The following STAB1 variants were observed in gnomAD, a reference collection of about 807,000 sequenced individuals.
The protein encoded by STAB1 is stabilin 1.
A neutral mutation model predicts 332.4 loss-of-function variants in STAB1; 250 were observed. That is an observed-to-expected ratio of 0.75 (90% CI 0.68 to 0.84). STAB1 has a LOEUF of 0.84. Ranked by LOEUF, STAB1 falls within the 40% of genes least tolerant of loss-of-function variation. The probability of loss-of-function intolerance (pLI) is 0.00; values close to 1 mark genes in which losing one functional copy is unlikely to be tolerated. For synonymous variants in STAB1, 1,475 were observed against 1,390.4 expected, an observed-to-expected ratio of 1.06 and a Z score of -1.35; for missense variants, 3,249 against 3,489.7, an observed-to-expected ratio of 0.93 and a Z score of 1.74.
At chr3:52,496,072 GTCC>G (rs984101151) in intron 1 of STAB1, among the ~76,000 whole-genome samples, 5 of 152,198 alleles carry the variant, frequency 3.3e-5, no homozygotes, top group African/African-American at 1.2e-4. Flanking sequence ...AACTCCTCCT[GTCC>G]TCCTCGTGAG....
rs1297299801 is a variant in STAB1 at position 52,520,430 on chromosome 3, CG to C, written c.5531del (p.Arg1844ProfsTer40). ...GELMVGEDDA[R>X]IVQRHLPFEG... ...GCTCATGGTGGGTGAGGATGATGCT[CG>C]CATTGTGCAGCGGCACTTGCCCTTT... On this transcript the variant is annotated frameshift_variant, in exon 53 of 69. Coordinates refer to ENST00000321725, the MANE Select transcript of STAB1 (RefSeq NM_015136.3). LOFTEE classifies it high-confidence loss of function. 1 of 1,612,406 alleles carries C rather than the reference CG, an allele frequency of 6.2e-7. No individual in the cohort carries two copies. The highest frequency in any genetic ancestry group is 8.5e-7 in the Non-Finnish European group (1 of 1,179,608).
rs200415171 is a variant in STAB1, at chr3:52,512,333, C to T, written c.2884-8C>T. Reference sequence around the variant, plus strand: ...CTGAATGGAGGCCCTTTCTCACTCCCACCCCAGGCCACCTGCCGGGCAGTG... The same window carrying T: ...CTGAATGGAGGCCCTTTCTCACTCCTACCCCAGGCCACCTGCCGGGCAGTG... On this transcript the variant is annotated splice_region_variant and splice_polypyrimidine_tract_variant and intron_variant, in intron 26 of 68. Coordinates refer to ENST00000321725, the MANE Select transcript of STAB1 (RefSeq NM_015136.3). 7.3e-5 allele frequency: 117 copies of T among 1,612,278 alleles called. No individual in the cohort carries two copies. The highest frequency in any genetic ancestry group is 6.1e-5 in the Non-Finnish European group (72 of 1,179,612).
Position 52,514,885 on chromosome 3 carries a change from T to A in STAB1, c.3807+56T>A. 2.5e-6 allele frequency: 4 copies of A among 1,612,754 alleles called. No individual in the cohort carries two copies. The East Asian group carries it at 8.9e-5, about 36-fold the overall frequency. The stretch of plus-strand genomic sequence containing the variant: ...ACGGGAGTTCAGAGCTGGGAGGGCC[T>A]AGCTGACCTGACTAGTGGGGAGGGG... On this transcript the variant is annotated intron_variant, in intron 35 of 68. Transcript: ENST00000321725.
chr3:52,507,866 C>A (rs1708990783), intron 19 of STAB1, 65 bp from the exon 20 acceptor site: 1 of 1,532,428 alleles, frequency 6.5e-7, no homozygotes, highest in Non-Finnish European at 9.0e-7. Flanking sequence ...TTAACCAGGG[C>A]TGCCTAGCAA....
Position 52,513,772 on chromosome 3 carries a change from G to A in STAB1, c.3326G>A (p.Gly1109Asp). ...GTGGCTGACCTCCTTGCCACCAACGGTGTCCTACACATCCTCAGCCAGGTA... is the reference window on the plus strand; with the variant it reads ...GTGGCTGACCTCCTTGCCACCAACGATGTCCTACACATCCTCAGCCAGGTA... ...VDVADLLATN[G>D]VLHILSQVLL... The change falls in exon 31 of 69, where the codon GGT becomes GAT. Residue 1109 changes from glycine to aspartate, a missense_variant. Transcript: ENST00000321725. 6.2e-7 allele frequency: 1 copy of A among 1,613,474 alleles called. No homozygotes were observed. The highest frequency in any genetic ancestry group is 8.5e-7 in the Non-Finnish European group (1 of 1,180,002).
intron 1 of STAB1, 135 bp from the exon 2 acceptor site, chr3:52,501,031 A>C: frequency 7.7e-7 from 1 of 1,291,582 alleles, no homozygotes; most frequent in Non-Finnish European, 1.1e-6. Context: ...TGTGCCCAGA[A>C]CCCTCTGCTT....
intron 40 of STAB1, 31 bp from the exon 41 acceptor site, chr3:52,516,661 T>TG: frequency 6.2e-7 from 1 of 1,612,320 alleles, no homozygotes; most frequent in South Asian, 1.1e-5. Flanking sequence ...TGGACAGGCA[T>TG]GGGCTAAGCT....
rs775352466 is a variant in STAB1, at chr3:52,515,029, AG to A, written c.3851del (p.Gly1284AlafsTer53). 6.8e-6 allele frequency: 11 copies of A among 1,613,366 alleles called. No homozygotes were observed. Among genetic ancestry groups the A allele is most frequent in the Non-Finnish European group, 9.3e-6 (11 of 1,180,004 alleles). On this transcript the variant is annotated frameshift_variant, in exon 36 of 69. Transcript: ENST00000321725. LOFTEE classifies it high-confidence loss of function. Reference protein sequence around the residue: ...VNCTRRFRCTQGFQLQDTPRK... With the variant: ...VNCTRRFRCTXGFQLQDTPRK... ...TGCACCAGGAGATTCCGCTGCACTC[AG>A]GGCTTCCAGCTGCAGGTGAGACTGG...
At position 52,522,138 on chromosome 3, in the gene STAB1, G is replaced by A; in HGVS notation, c.6373G>A (p.Gly2125Ser). The A allele has an allele frequency of 6.2e-7, 1 of 1,612,986 alleles. No individual in the cohort carries two copies. Among genetic ancestry groups the A allele is most frequent in the Non-Finnish European group, 8.5e-7 (1 of 1,180,016 alleles). ...TTGTACCTGCCTGCCCGACTACGAG[G>A]GTGATGGCTGGAGCTGCCGGGCCCG... The part of the protein sequence containing the change: ...VTCTCLPDYE[G>S]DGWSCRARNP... Residue 2125 changes from glycine (G) to serine (S), a missense_variant, in exon 59 of 69, where the codon GGT becomes AGT. Physicochemically the swap from Gly to Ser is moderately conservative, Grantham distance 56. Transcript: ENST00000321725.
chr3:52,505,247 G>T lies in STAB1; in HGVS notation c.1519-72G>T. The T allele has an allele frequency of 2.5e-6, 4 of 1,605,916 alleles. No individual in the cohort carries two copies. In the South Asian group the frequency reaches 4.4e-5, roughly 18 times the overall value. On this transcript the variant is annotated intron_variant, in intron 13 of 68. Coordinates refer to ENST00000321725, the MANE Select transcript of STAB1 (RefSeq NM_015136.3). ...GAGCCATTCTACTCAGGGCTGGAGC[G>T]CAGCTTCTCCCCGCTGGGCTGAAGC...
intron 8 of STAB1, 83 bp from the exon 9 acceptor site, chr3:52,503,689 G>A (rs946641083): frequency 9.4e-6 from 15 of 1,589,906 alleles, no homozygotes; most frequent in Admixed American, 5.1e-5. Context: ...GGGAGGGGCT[G>A]AGCAGGGCTC....
At chr3:52,502,113 G>T (rs959382728) in intron 4 of STAB1, 22 bp downstream of exon 4, 3 of 1,613,652 alleles carry the variant, frequency 1.9e-6, no homozygotes, top group African/African-American at 1.3e-5. Flanking sequence ...GCAAGGTGGG[G>T]TGGAGGCTCA....
chr3:52,512,756 C>A, intron 28 of STAB1, 72 bp from the exon 29 acceptor site: 2 of 1,608,218 alleles, frequency 1.2e-6, no homozygotes, highest in Non-Finnish European at 1.7e-6. Context: ...GGGCTGGAGC[C>A]TAGAGCAGGG....
In STAB1 at chr3:52,514,051, G is replaced by A. The variant is rs570629144; in HGVS notation, c.3448-64G>A. On this transcript the variant is annotated intron_variant, in intron 32 of 68. Transcript: ENST00000321725. The stretch of plus-strand genomic sequence containing the variant: ...TGTGCCCCAGGTCCAGAGGGACCTG[G>A]CTGGCTCCCAGTGTCAGGACTGACA... The A allele has an allele frequency of 1.2e-4, 186 of 1,599,302 alleles. 1 individual carries two copies. In the East Asian group the frequency reaches 3.7e-3, roughly 32 times the overall value.
intron 1 of STAB1, among the ~76,000 whole-genome samples, chr3:52,498,585 C>T (rs1004642293): frequency 3.9e-5 from 6 of 152,280 alleles, no homozygotes; most frequent in African/African-American, 1.4e-4. Context: ...CTTCTGGGCC[C>T]TAACTCACCC....
At position 52,502,277 on chromosome 3, in the gene STAB1, C is replaced by T. The variant is rs917950257; in HGVS notation, c.487+49C>T. ...GCACGGCCAGCGTCCACCTGGGGGC[C>T]CACGCAGATGCAGTACCTACAACCA... On this transcript the variant is annotated intron_variant, in intron 5 of 68. Transcript: ENST00000321725. The T allele has an allele frequency of 1.9e-6, 3 of 1,588,174 alleles. No homozygotes were observed. In the Admixed American group the frequency reaches 5.1e-5, roughly 27 times the overall value.
Position 52,522,117 on chromosome 3 carries a change from AC to A in STAB1, c.6354del (p.Cys2119AlafsTer33). The A allele has an allele frequency of 6.2e-7, 1 of 1,612,924 alleles. No individual in the cohort carries two copies. Among genetic ancestry groups the A allele is most frequent in the Non-Finnish European group, 8.5e-7 (1 of 1,179,970 alleles). ...CCAGGTAGGAACAATGGTCACTTGT[AC>A]CTGCCTGCCCGACTACGAGGGTGAT... Reference protein sequence around the residue: ...CSQVGTMVTCTCLPDYEGDGW... With the variant: ...CSQVGTMVTCXCLPDYEGDGW... On this transcript the variant is annotated frameshift_variant, in exon 59 of 69. Coordinates refer to ENST00000321725, the MANE Select transcript of STAB1 (RefSeq NM_015136.3). LOFTEE classifies it high-confidence loss of function.
chr3:52,504,273 A>G (rs949512387), intron 10 of STAB1, 118 bp downstream of exon 10: 5 of 1,481,748 alleles, frequency 3.4e-6, no homozygotes, highest in Middle Eastern at 1.7e-4. Flanking sequence ...GGGAACAAAC[A>G]GGTGGCTGTG....
intron 36 of STAB1, 111 bp from the exon 37 acceptor site, chr3:52,515,312 C>T: frequency 1.8e-6 from 2 of 1,086,846 alleles, no homozygotes; most frequent in Non-Finnish European, 2.7e-6. Flanking sequence ...GACCCTTCTG[C>T]TGTTCTGCTC....
Sources: allele counts gnomAD v4.1 joint callset (sites outside exome capture counted in the v4.1 genomes callset), GRCh38; gene constraint gnomAD v4.1.1; transcripts MANE v1.5; gene names NCBI Gene and HGNC (gene_info 2026-07-23, HGNC 2026-07-21).